Variants in XKR6 observed in about 807,000 individuals in gnomAD.
XKR6 encodes XK related 6.
Under a neutral mutation model 56.7 loss-of-function variants are expected in XKR6, and 22 were observed. The ratio of observed to expected loss-of-function variants is 0.39; its 90% confidence interval spans 0.28 to 0.55. The LOEUF (loss-of-function observed/expected upper bound fraction) is 0.55. Among genes scored for constraint, XKR6 ranks in the 20% least tolerant of loss-of-function variants. The probability of loss-of-function intolerance (pLI) is 0.66; values close to 1 mark genes in which losing one functional copy is unlikely to be tolerated. For missense variants in XKR6, 852 were observed against 889.0 expected, an observed-to-expected ratio of 0.96 and a Z score of 0.53; for synonymous variants, 524 against 387.8, an observed-to-expected ratio of 1.35 and a Z score of -4.13.
At chr8:11,011,620 T>C (rs1210099038) in intron 1 of XKR6, among the ~76,000 whole-genome samples, 2 of 151,716 alleles carry the variant, frequency 1.3e-5, no homozygotes, top group Non-Finnish European at 2.9e-5. Flanking sequence ...AGCAAACAAA[T>C]AGGTAAGTAA....
chr8:11,152,116 A>C (rs1272739581), intron 1 of XKR6, among the ~76,000 whole-genome samples: 1 of 152,244 alleles, frequency 6.6e-6, no homozygotes, highest in Non-Finnish European at 1.5e-5. Flanking sequence ...ATAGAATTCA[A>C]ATAAGAATCT....
At chr8:11,034,670 C>T (rs1256677317) in intron 1 of XKR6, among the ~76,000 whole-genome samples, 2 of 152,206 alleles carry the variant, frequency 1.3e-5, no homozygotes, top group African/African-American at 2.4e-5. Flanking sequence ...CCTAAAGATA[C>T]CAGCACATGA....
At chr8:11,183,632 G>C (rs1033341192) in intron 1 of XKR6, among the ~76,000 whole-genome samples, 1 of 151,982 alleles carries the variant, frequency 6.6e-6, no homozygotes, top group Non-Finnish European at 1.5e-5. Context: ...TTATTTTCTG[G>C]ATTTTTAAAA....
intron 1 of XKR6, among the ~76,000 whole-genome samples, chr8:11,093,885 G>A (rs564110066): frequency 1.3e-5 from 2 of 150,408 alleles, no homozygotes; most frequent in Admixed American, 6.6e-5. Context: ...CCGGGTTCAC[G>A]CCATTCTCCT....
intron 1 of XKR6, among the ~76,000 whole-genome samples, chr8:10,988,566 C>A (rs1468530972): frequency 3.9e-5 from 6 of 152,150 alleles, no homozygotes; most frequent in African/African-American, 1.2e-4. Flanking sequence ...CCATTCCATG[C>A]AAGGTCCACA....
intron 1 of XKR6, among the ~76,000 whole-genome samples, chr8:11,056,641 T>G (rs1222161152): frequency 3.3e-5 from 5 of 152,374 alleles, no homozygotes; most frequent in African/African-American, 9.6e-5. Context: ...TTCTGGAAGC[T>G]GAGTGGTCTA....
chr8:11,189,064 A>G (rs1027251527), intron 1 of XKR6, among the ~76,000 whole-genome samples: 2 of 151,952 alleles, frequency 1.3e-5, no homozygotes, highest in African/African-American at 4.8e-5. Flanking sequence ...TAGGTAGGCC[A>G]TTTTTCTTCT....
At chr8:10,973,513 C>T (rs1447611395) in intron 1 of XKR6, among the ~76,000 whole-genome samples, 2 of 152,224 alleles carry the variant, frequency 1.3e-5, no homozygotes, top group South Asian at 2.1e-4. Flanking sequence ...CCGTTTTATA[C>T]ATAAGAAAAC....
intron 1 of XKR6, among the ~76,000 whole-genome samples, chr8:10,938,995 G>A (rs1394539448): frequency 1.3e-5 from 2 of 152,202 alleles, no homozygotes; most frequent in African/African-American, 4.8e-5. Flanking sequence ...TTAAGCTTCA[G>A]TGGGGCCGCA....
chr8:11,055,038 G>T (rs1346816520), intron 1 of XKR6, among the ~76,000 whole-genome samples: 1 of 152,174 alleles, frequency 6.6e-6, no homozygotes, highest in Admixed American at 6.5e-5. Context: ...CAGAGGCTTT[G>T]CTTGGATGTT....
At chr8:10,968,355 A>G (rs1401555586) in intron 1 of XKR6, among the ~76,000 whole-genome samples, 1 of 152,254 alleles carries the variant, frequency 6.6e-6, no homozygotes, top group East Asian at 1.9e-4. Context: ...AATAAGTTAA[A>G]TGAATCAGTA....
chr8:11,036,578 G>A (rs1799149950), intron 1 of XKR6, among the ~76,000 whole-genome samples: 3 of 152,164 alleles, frequency 2.0e-5, no homozygotes, highest in Admixed American at 2.0e-4. Context: ...TTAGCCAGGT[G>A]GCTGCACAGT....
intron 1 of XKR6, among the ~76,000 whole-genome samples, chr8:10,938,488 G>C (rs1801295767): frequency 6.6e-6 from 1 of 152,126 alleles, no homozygotes; most frequent in South Asian, 2.1e-4. Flanking sequence ...AACAATTATG[G>C]TAATCCATAC....
chr8:11,139,226 C>A (rs188889542), intron 1 of XKR6, among the ~76,000 whole-genome samples: 1 of 152,084 alleles, frequency 6.6e-6, no homozygotes, highest in Non-Finnish European at 1.5e-5. Flanking sequence ...CTTTTATGTA[C>A]AAAACTATAA....
At chr8:11,154,414 C>T (rs1266517213) in intron 1 of XKR6, among the ~76,000 whole-genome samples, 4 of 152,360 alleles carry the variant, frequency 2.6e-5, no homozygotes, top group Admixed American at 6.5e-5. Flanking sequence ...AAGAGGAGAA[C>T]GGAAGATTCA....
At chr8:11,009,088 G>A (rs1277619061) in intron 1 of XKR6, among the ~76,000 whole-genome samples, 1 of 140,210 alleles carries the variant, frequency 7.1e-6, no homozygotes, top group Admixed American at 7.3e-5. Context: ...CAGCTGTGTG[G>A]GGAGGGGGGT....
At chr8:10,969,435 G>C (rs1410779902) in intron 1 of XKR6, among the ~76,000 whole-genome samples, 4 of 152,212 alleles carry the variant, frequency 2.6e-5, no homozygotes, top group Non-Finnish European at 5.9e-5. Flanking sequence ...TTTAATTAAA[G>C]ATGATGGATT....
chr8:10,911,197 T>TGC, intron 2 of XKR6, among the ~76,000 whole-genome samples: 1 of 121,584 alleles, frequency 8.2e-6, no homozygotes, highest in South Asian at 3.0e-4. Flanking sequence ...AGAGAGGGTG[T>TGC]GCGTGTGTGT....
intron 1 of XKR6, among the ~76,000 whole-genome samples, chr8:11,199,845 G>A (rs958583768): frequency 2.0e-5 from 3 of 152,222 alleles, no homozygotes; most frequent in African/African-American, 4.8e-5. Context: ...CGTTTCCCCA[G>A]AATAGGTATC....
Sources: gnomAD v4.1 joint callset for allele counts (sites outside exome capture counted in the v4.1 genomes callset) on GRCh38, gnomAD v4.1.1 for gene constraint, MANE v1.5 for transcripts, NCBI Gene and HGNC (gene_info 2026-07-23, HGNC 2026-07-21) for gene names.